The following NDUFA10 variants were observed in gnomAD, a reference collection of about 807,000 sequenced individuals.
NDUFA10 encodes the protein NADH:ubiquinone oxidoreductase subunit A10.
Under a neutral mutation model 47.8 loss-of-function variants are expected in NDUFA10, and 40 were observed. The observed-to-expected ratio is 0.84, with a 90% CI of 0.65 to 1.09. The LOEUF (loss-of-function observed/expected upper bound fraction) is 1.09. Ranked by LOEUF, NDUFA10 falls within the 50% of genes least tolerant of loss-of-function variation. The pLI is 0.00. For missense variants in NDUFA10, 413 were observed against 451.1 expected (o/e 0.92, Z 0.76); for synonymous variants, 183 against 172.2 (o/e 1.06, Z -0.49).
intron 4 of NDUFA10, among the ~76,000 whole-genome samples, chr2:239,912,339 G>A (rs35645956): frequency 4.6e-5 from 7 of 152,180 alleles, no homozygotes; most frequent in Admixed American, 6.5e-5. Flanking sequence ...TCGTGGGGCC[G>A]AGCTGCAGCT....
intron 4 of NDUFA10, among the ~76,000 whole-genome samples, chr2:239,949,396 G>A (rs947583097): frequency 7.9e-5 from 12 of 152,162 alleles, no homozygotes; most frequent in African/African-American, 2.4e-4. Flanking sequence ...GTGACCTGGT[G>A]GATTCGGGAA....
At chr2:240,025,164 T>TGCCCCCCCCCCCCCCCCCCCC in intron 1 of NDUFA10, 63 bp downstream of exon 1, 51 of 594,900 alleles carry the variant, frequency 8.6e-5, no homozygotes, top group East Asian at 2.4e-4. Flanking sequence ...GTGGAACTGC[T>TGCCCCCCCCCCCCCCCCCCCC]CCCCACCCCG....
intron 4 of NDUFA10, among the ~76,000 whole-genome samples, chr2:239,902,147 AT>A (rs1379694027): frequency 3.5e-4 from 54 of 152,362 alleles, no homozygotes; most frequent in Non-Finnish European, 1.5e-4. Context: ...TAAAATTTTA[AT>A]TTTAAAAGAA....
intron 5 of NDUFA10, 56 bp from the exon 6 acceptor site, chr2:240,011,752 C>A: frequency 1.4e-6 from 2 of 1,429,424 alleles, no homozygotes; most frequent in Non-Finnish European, 2.0e-6. Flanking sequence ...TTCTCTTTGA[C>A]CTGTGCGTAT....
In NDUFA10 at chr2:239,945,715, A is replaced by G. The variant is rs750102555; in HGVS notation, c.294+44359T>C. On this transcript the variant is annotated intron_variant, in intron 4 of 5. Coordinates refer to the NDUFA10 transcript ENST00000419408. The surrounding 1 kb of genome is among the most constrained non-coding windows in gnomAD (Gnocchi z 4.6). The stretch of plus-strand genomic sequence containing the variant: ...CAGAGCTTCCACCCAGTTACTTTGT[A>G]TTTTTTAAACACACAATGAATGTGC... 2.0e-5 allele frequency among the ~76,000 whole-genome samples: 3 copies of G among 152,200 alleles called. No individual in the cohort carries two copies. The highest frequency in any genetic ancestry group is 4.4e-5 in the Non-Finnish European group (3 of 68,036).
chr2:239,962,210 T>TACACACACACAC (rs59356951), intron 9 of NDUFA10, among the ~76,000 whole-genome samples: 270 of 149,654 alleles, frequency 1.8e-3, no homozygotes, highest in African/African-American at 5.0e-3. Context: ...TCAATTTGTG[T>TACACACACACAC]ACACACACAC....
downstream of NDUFA10, among the ~76,000 whole-genome samples, chr2:239,953,028 A>G (rs981328040): frequency 2.0e-5 from 3 of 152,208 alleles, no homozygotes; most frequent in Non-Finnish European, 4.4e-5. Flanking sequence ...TGTCGGCCCA[A>G]GGTGGGGACT....
chr2:239,899,002 A>AGTCATGGAGGGGTGTAAAGGAGG (rs1559259423), intron 4 of NDUFA10, among the ~76,000 whole-genome samples: 4 of 52,778 alleles, frequency 7.6e-5, no homozygotes, highest in Admixed American at 4.6e-4. Flanking sequence ...TGTGATGGAG[A>AGTCATGGAGGGGTGTAAAGGAGG]GGTGTGATGG....
Position 239,920,866 on chromosome 2 carries a change from C to T in NDUFA10, c.295-25552G>A, listed in dbSNP as rs186267726. ...CGGAGGGGTGGGGTCGTCTGAGGTGCCTGGTCATTGGCTGCCCCCTTTAAT... is the reference window on the plus strand; with the variant it reads ...CGGAGGGGTGGGGTCGTCTGAGGTGTCTGGTCATTGGCTGCCCCCTTTAAT... On this transcript the variant is annotated intron_variant, in intron 4 of 5. Transcript: ENST00000419408. Among the ~76,000 whole-genome samples the T allele has an allele frequency of 8.5e-5, 13 of 152,298 alleles. No homozygotes were observed. The East Asian group carries it at 2.3e-3, about 27-fold the overall frequency.
chr2:239,895,579 T>C lies in NDUFA10; in HGVS notation c.295-265A>G, dbSNP rs77022226. On this transcript the variant is annotated intron_variant, in intron 4 of 5. Coordinates refer to the NDUFA10 transcript ENST00000419408. ...CTCTCTAATAATTTACCATTGTTAT[T>C]TGCTACTTAAGGTCATCCTAAGTAA... Among the ~76,000 whole-genome samples the C allele has an allele frequency of 3.6e-3, 548 of 152,384 alleles. 14 individuals are homozygous for C. In the East Asian group the frequency reaches 0.071, roughly 20 times the overall value.
chr2:239,993,796 G>A (rs1381138386), intron 8 of NDUFA10, among the ~76,000 whole-genome samples: 1 of 152,120 alleles, frequency 6.6e-6, no homozygotes, highest in Non-Finnish European at 1.5e-5. Context: ...ACTTTGGGGA[G>A]GATAAGGGGG....
At chr2:239,911,686 T>TGTGTGTGC (rs1448167377) in intron 4 of NDUFA10, among the ~76,000 whole-genome samples, 4 of 151,708 alleles carry the variant, frequency 2.6e-5, no homozygotes, top group African/African-American at 7.3e-5. Flanking sequence ...TGTGCGTGTG[T>TGTGTGTGC]GTGTGTGTGT....
chr2:240,007,511 G>C, intron 6 of NDUFA10, 141 bp from the exon 7 acceptor site: 1 of 692,980 alleles, frequency 1.4e-6, no homozygotes, highest in Non-Finnish European at 2.6e-6. Context: ...CTGGGCATGT[G>C]AGGGTGCATT....
intron 9 of NDUFA10, among the ~76,000 whole-genome samples, chr2:239,972,207 A>T (rs1339567641): frequency 1.3e-5 from 2 of 151,906 alleles, no homozygotes; most frequent in Non-Finnish European, 2.9e-5. Flanking sequence ...ATTGATAAAT[A>T]TTATACATAT....
chr2:239,911,664 T>TGA (rs1299925751), intron 4 of NDUFA10, among the ~76,000 whole-genome samples: 5 of 128,652 alleles, frequency 3.9e-5, no homozygotes, highest in African/African-American at 1.7e-4. Flanking sequence ...CACCAAAACA[T>TGA]GAGAGAGTGT....
chr2:240,014,562 G>A lies in NDUFA10; in HGVS notation c.669+177C>T. 4 of 1,010,854 alleles carry A rather than the reference G, an allele frequency of 4.0e-6. No homozygotes were observed. In the South Asian group the frequency reaches 5.4e-5, roughly 14 times the overall value. The allele number at this position is 1,010,854 out of a possible 1,614,324, so 62.6% of individuals were successfully genotyped here. On this transcript the variant is annotated intron_variant, in intron 5 of 9. Transcript: ENST00000252711. ...CCCGCAGGCTGTGGCACCAGGCCGA[G>A]CCATGGGGTCTCCCCTCCACCCCTG... is the stretch of plus-strand genomic sequence containing the variant.
At chr2:239,995,237 G>A (rs1696420542) in intron 8 of NDUFA10, among the ~76,000 whole-genome samples, 1 of 152,054 alleles carries the variant, frequency 6.6e-6, no homozygotes, top group African/African-American at 2.4e-5. Flanking sequence ...TCATGCCACT[G>A]CAGCCTGGGC....
intron 4 of NDUFA10, among the ~76,000 whole-genome samples, chr2:239,910,525 G>A (rs1485920270): frequency 1.3e-5 from 2 of 152,066 alleles, no homozygotes; most frequent in Admixed American, 6.6e-5. Context: ...ATGAGAACAC[G>A]GACACATCGG....
chr2:240,021,125 C>T, intron 3 of NDUFA10, 72 bp downstream of exon 3: 2 of 1,309,034 alleles, frequency 1.5e-6, no homozygotes, highest in Non-Finnish European at 2.2e-6. Flanking sequence ...GACTCAGTGG[C>T]AATTTAACGT....
Sources: gnomAD v4.1 joint callset for allele counts (sites outside exome capture counted in the v4.1 genomes callset) on GRCh38, gnomAD v4.1.1 for gene constraint, Gnocchi (gnomAD v3.1) non-coding constraint, MANE v1.5 for transcripts, NCBI Gene and HGNC (gene_info 2026-07-23, HGNC 2026-07-21) for gene names.